PHLPP1: variants seen among roughly 807,000 people sequenced by gnomAD.
The protein encoded by PHLPP1 is PH domain and leucine rich repeat protein phosphatase 1.
PHLPP1 carries 42 observed loss-of-function variants against 117.2 expected under a neutral mutation model. The ratio of observed to expected loss-of-function variants is 0.36; its 90% CI spans 0.28 to 0.46. The LOEUF is 0.46. Among genes scored for constraint, PHLPP1 ranks in the 20% least tolerant of loss-of-function variants. The pLI is 1.00. For synonymous variants in PHLPP1, 1,042 were observed against 970.7 expected (o/e 1.07, Z -1.37); for missense variants, 2,084 against 2,241.9 (o/e 0.93, Z 1.42).
chr18:62,873,938 A>G lies in PHLPP1; in HGVS notation c.2066+13337A>G, dbSNP rs189870317. On this transcript the variant is annotated intron_variant, in intron 4 of 16. Coordinates refer to ENST00000262719, the MANE Select transcript of PHLPP1 (RefSeq NM_194449.4). ...GGTGGCTCACGCTTGTAATCCCAGC[A>G]CTTTGGGGGGCCAAGGCAGGTGGAT... 1.0e-3 allele frequency among the ~76,000 whole-genome samples: 154 copies of G among 152,256 alleles called. 2 individuals carry two copies. Among genetic ancestry groups the G allele is most frequent in the African/African-American group, 3.5e-3 (147 of 41,552 alleles).
At position 62,864,202 on chromosome 18, in the gene PHLPP1, A is replaced by G. The variant is rs896796191; in HGVS notation, c.2066+3601A>G. 6.6e-5 allele frequency among the ~76,000 whole-genome samples: 10 copies of G among 151,908 alleles called. 1 individual carries two copies. Among genetic ancestry groups the G allele is most frequent in the Admixed American group, 6.6e-4 (10 of 15,256 alleles). Reference sequence around the variant, plus strand: ...ACTCCCAGCTAATTTTTGTATTTTTAGTAGAGGTGGGGTTTCACCATGTTG... The same window carrying G: ...ACTCCCAGCTAATTTTTGTATTTTTGGTAGAGGTGGGGTTTCACCATGTTG... On this transcript the variant is annotated intron_variant, in intron 4 of 16. Coordinates refer to ENST00000262719, the MANE Select transcript of PHLPP1 (RefSeq NM_194449.4).
intron 8 of PHLPP1, among the ~76,000 whole-genome samples, chr18:62,905,611 T>A (rs1425276014): frequency 6.6e-6 from 1 of 152,180 alleles, no homozygotes; most frequent in African/African-American, 2.4e-5. Context: ...GAAGTAATGT[T>A]AATTTTATTT....
intron 1 of PHLPP1, among the ~76,000 whole-genome samples, chr18:62,729,459 G>C (rs949072189): frequency 6.6e-6 from 1 of 152,186 alleles, no homozygotes; most frequent in Non-Finnish European, 1.5e-5. Context: ...CACTTTGGGA[G>C]GCTGAAGCGG....
chr18:62,769,318 C>A (rs2144263454), intron 1 of PHLPP1, among the ~76,000 whole-genome samples: 1 of 152,092 alleles, frequency 6.6e-6, no homozygotes, highest in Middle Eastern at 3.4e-3. Flanking sequence ...TTATGTAATC[C>A]CTGGTTTCTG....
chr18:62,718,383 G>A (rs769720793), intron 1 of PHLPP1, among the ~76,000 whole-genome samples: 18 of 152,042 alleles, frequency 1.2e-4, no homozygotes, highest in Admixed American at 3.9e-4. Flanking sequence ...ATGTCTTTTG[G>A]TCCAGCTTGT....
At chr18:62,919,855 A>T (rs1369505499) in intron 9 of PHLPP1, 104 bp from the exon 10 acceptor site, 1 of 766,922 alleles carries the variant, frequency 1.3e-6, no homozygotes, top group Non-Finnish European at 2.1e-6. Flanking sequence ...TTATATTAAA[A>T]TGAATTTGTA....
chr18:62,865,159 T>A (rs929811466), intron 4 of PHLPP1, among the ~76,000 whole-genome samples: 22 of 152,102 alleles, frequency 1.4e-4, no homozygotes, highest in African/African-American at 4.6e-4. Flanking sequence ...CCCATCTCTA[T>A]AAAGAAAAAT....
intron 1 of PHLPP1, among the ~76,000 whole-genome samples, chr18:62,780,765 T>C (rs866486398): frequency 2.0e-5 from 3 of 152,352 alleles, no homozygotes; most frequent in South Asian, 4.1e-4. Context: ...TCAAATTCTT[T>C]ATTTGCATGT....
Position 62,979,112 on chromosome 18 carries a change from T to A in PHLPP1, c.4835T>A (p.Phe1612Tyr). The A allele has an allele frequency of 6.2e-7, 1 of 1,613,904 alleles. No homozygotes were observed. Residue 1612 changes from phenylalanine to tyrosine, a missense_variant, in exon 17 of 17, where the codon TTC becomes TAC. Physicochemically the swap from Phe to Tyr is conservative, Grantham distance 22 (BLOSUM62 3). Transcript: ENST00000262719. ...CCAGGTCTGCCCAGGAAGGCAGACT[T>A]CTCTGCCGTTGGGACCATTGGGCGC... is the stretch of plus-strand genomic sequence containing the variant. ...DEPGLPRKAD[F>Y]SAVGTIGRRR...
At chr18:62,872,965 C>T (rs1266271465) in intron 4 of PHLPP1, among the ~76,000 whole-genome samples, 29 of 117,458 alleles carry the variant, frequency 2.5e-4, no homozygotes, top group Non-Finnish European at 4.2e-4. Context: ...CCAGCCTGGG[C>T]GACAGAGCAA....
At chr18:62,772,444 C>G (rs1599039660) in intron 1 of PHLPP1, among the ~76,000 whole-genome samples, 2 of 152,162 alleles carry the variant, frequency 1.3e-5, no homozygotes, top group East Asian at 3.9e-4. Flanking sequence ...AAAGCGAGAT[C>G]ACTAGGATCC....
intron 12 of PHLPP1, among the ~76,000 whole-genome samples, chr18:62,948,685 T>TA (rs924164569): frequency 1.7e-4 from 26 of 152,110 alleles, no homozygotes; most frequent in African/African-American, 6.0e-4. Context: ...TTTTTTTTTT[T>TA]TATACTTTAA....
intron 4 of PHLPP1, among the ~76,000 whole-genome samples, chr18:62,892,765 A>T (rs190683708): frequency 2.6e-5 from 4 of 151,084 alleles, no homozygotes; most frequent in African/African-American, 9.7e-5. Flanking sequence ...AGTCCCAACT[A>T]CTTGGGAGGC....
intron 4 of PHLPP1, among the ~76,000 whole-genome samples, chr18:62,879,213 T>C (rs1255945775): frequency 2.6e-5 from 4 of 152,128 alleles, no homozygotes; most frequent in Non-Finnish European, 5.9e-5. Context: ...CCTTCATGAA[T>C]GTATTAATGC....
rs76240568 is a variant in PHLPP1, at chr18:62,811,387, T to G, written c.1577-18648T>G. On this transcript the variant is annotated intron_variant, in intron 1 of 16. Coordinates refer to ENST00000262719, the MANE Select transcript of PHLPP1 (RefSeq NM_194449.4). ...AAATGACAACTTAGAAAGGTGTGTA[T>G]GATACAAAGGTGTGTGAAGGGGTTA... Among the ~76,000 whole-genome samples the G allele has an allele frequency of 5.3e-3, 804 of 152,300 alleles. 12 individuals are homozygous for G. The highest frequency in any genetic ancestry group is 0.019 in the African/African-American group (770 of 41,558).
Position 62,975,627 on chromosome 18 carries a change from TG to T in PHLPP1, c.3984+3del. 1.3e-6 allele frequency: 2 copies of T among 1,592,046 alleles called. No homozygotes were observed. Among genetic ancestry groups the T allele is most frequent in the African/African-American group, 2.7e-5 (2 of 74,622 alleles). On this transcript the variant is annotated splice_donor_region_variant and intron_variant, in intron 16 of 16. Transcript: ENST00000262719. Reference sequence around the variant, plus strand: ...CAGCACAAGGCCATTATCACTGAGGTGAGAAAACAGGGGTGTTGCCCAGGAT... The same window carrying T: ...CAGCACAAGGCCATTATCACTGAGGTAGAAAACAGGGGTGTTGCCCAGGAT...
At chr18:62,930,727 A>G (rs923168663) in intron 10 of PHLPP1, among the ~76,000 whole-genome samples, 3 of 152,258 alleles carry the variant, frequency 2.0e-5, no homozygotes, top group African/African-American at 7.2e-5. Flanking sequence ...TCCAACAACC[A>G]CAGAATATAC....
chr18:62,739,189 A>G (rs1183375021), intron 1 of PHLPP1, among the ~76,000 whole-genome samples: 1 of 152,238 alleles, frequency 6.6e-6, no homozygotes, highest in Non-Finnish European at 1.5e-5. Flanking sequence ...TTTGGATTGA[A>G]TGAAATTGTT....
intron 1 of PHLPP1, among the ~76,000 whole-genome samples, chr18:62,730,869 CTG>C (rs372733464): frequency 2.0e-5 from 3 of 150,564 alleles, no homozygotes; most frequent in Admixed American, 6.6e-5. Context: ...GCTTTGTAAA[CTG>C]TGAATGTTAT....
Sources: allele counts gnomAD v4.1 joint callset (sites outside exome capture counted in the v4.1 genomes callset), GRCh38; gene constraint gnomAD v4.1.1; transcripts MANE v1.5; gene names NCBI Gene and HGNC (gene_info 2026-07-23, HGNC 2026-07-21).